The following SPATA1 variants were observed in gnomAD, a reference collection of about 807,000 sequenced individuals.
SPATA1 encodes the protein spermatogenesis associated 1.
SPATA1 carries 57 observed loss-of-function variants against 59.6 expected under a neutral mutation model. That is an observed-to-expected ratio of 0.96 (90% CI 0.77 to 1.19). The LOEUF (loss-of-function observed/expected upper bound fraction) is 1.19, where lower values mean the gene tolerates loss of function less well. SPATA1 is among the 50% of genes most tolerant of loss of function. The pLI is 0.00. For synonymous variants in SPATA1, 147 were observed against 163.9 expected, an observed-to-expected ratio of 0.90 and a Z score of 0.79; for missense variants, 448 against 480.7, an observed-to-expected ratio of 0.93 and a Z score of 0.64.
chr1:84,528,626 G>A (rs933207729), intron 6 of SPATA1, among the ~76,000 whole-genome samples: 1 of 152,092 alleles, frequency 6.6e-6, no homozygotes, highest in African/African-American at 2.4e-5. Context: ...ATGGCTGATG[G>A]ACATTTGGTT....
chr1:84,525,619 G>A (rs1172788040), intron 4 of SPATA1, 77 bp from the exon 5 acceptor site: 2 of 1,275,150 alleles, frequency 1.6e-6, no homozygotes, highest in Non-Finnish European at 2.2e-6. Context: ...CATGCCTTCT[G>A]CAAAAAAAGT....
chr1:84,532,964 A>T, exon 7 of SPATA1: 1 of 1,550,604 alleles, frequency 6.4e-7, no homozygotes, highest in Non-Finnish European at 8.7e-7. Context: ...TTGCTTTGGC[A>T]CTAAAAAAAG....
intron 1 of SPATA1, chr1:84,507,305 CTAATT>C (rs1558559710): frequency 1.3e-5 from 2 of 152,152 alleles, no homozygotes; most frequent in South Asian, 2.1e-4. Flanking sequence ...TCAACAAAAT[CTAATT>C]TATTTACTCA....
At position 84,513,212 on chromosome 1, in the gene SPATA1, C is replaced by T. The variant is rs967682665; in HGVS notation, c.-137-3011C>T. On this transcript the variant is annotated intron_variant, in intron 1 of 12. Coordinates refer to ENST00000490879, the Ensembl canonical transcript of SPATA1. ...TCGGCTCGGCGCAATCTCGGCTCTC[C>T]GCACCCTCCGTCTCCCGGGTTCAGG... 2.0e-4 allele frequency among the ~76,000 whole-genome samples: 31 copies of T among 152,314 alleles called. 1 individual carries two copies. Among genetic ancestry groups the T allele is most frequent in the African/African-American group, 6.7e-4 (28 of 41,568 alleles).
intron 8 of SPATA1, among the ~76,000 whole-genome samples, chr1:84,541,876 G>T (rs1683918490): frequency 6.6e-6 from 1 of 152,140 alleles, no homozygotes; most frequent in South Asian, 2.1e-4. Context: ...GTGGCTTACT[G>T]TGTTTCTTAA....
rs556827867 is a variant in SPATA1, at chr1:84,538,619, GT to G, written c.717+4854del. ...TATTGAGAATGAAACAAAGCACTTTGTGGACCTTTTTTGGAATTTGTAGAGA... is the reference window on the plus strand; with the variant it reads ...TATTGAGAATGAAACAAAGCACTTTGGGACCTTTTTTGGAATTTGTAGAGA... On this transcript the variant is annotated intron_variant, in intron 8 of 12. Transcript: ENST00000490879. Among the ~76,000 whole-genome samples the G allele has an allele frequency of 1.9e-3, 294 of 152,278 alleles. 1 individual carries two copies. The highest frequency in any genetic ancestry group is 4.7e-3 in the Admixed American group (72 of 15,298).
chr1:84,552,514 T>G (rs1684305093), intron 12 of SPATA1: 1 of 152,124 alleles, frequency 6.6e-6, no homozygotes, highest in Non-Finnish European at 1.5e-5. Context: ...CCATTTCAAC[T>G]GTAAAATGGG....
At chr1:84,564,880 C>A (rs1174405333) in intron 4 of SPATA1, among the ~76,000 whole-genome samples, 1 of 151,556 alleles carries the variant, frequency 6.6e-6, no homozygotes. Context: ...AAAAAAAAAT[C>A]TTTTTTAAAT....
exon 3 of SPATA1, chr1:84,520,671 C>T: frequency 2.6e-6 from 4 of 1,565,152 alleles, no homozygotes; most frequent in Non-Finnish European, 3.5e-6. Context: ...TTAACAAATT[C>T]ATTTCAGCTG....
intron 9 of SPATA1, among the ~76,000 whole-genome samples, chr1:84,545,216 C>CA (rs1010203754): frequency 6.8e-6 from 1 of 147,572 alleles, no homozygotes; most frequent in African/African-American, 2.5e-5. Flanking sequence ...GACTCCATCT[C>CA]AAAAAAATAT....
chr1:84,556,050 T>A (rs1684421014), downstream of SPATA1: 1 of 152,186 alleles, frequency 6.6e-6, no homozygotes, highest in Non-Finnish European at 1.5e-5. Context: ...GTCTGTTAGG[T>A]CTGCACTTTA....
intron 2 of SPATA1, among the ~76,000 whole-genome samples, chr1:84,517,532 T>C (rs145591472): frequency 6.6e-6 from 1 of 152,254 alleles, no homozygotes; most frequent in African/African-American, 2.4e-5. Context: ...AACTGGATTT[T>C]TTTCCCTTCC....
chr1:84,565,775 T>G, intron 4 of SPATA1, 86 bp from the exon 14 acceptor site: 2 of 923,454 alleles, frequency 2.2e-6, no homozygotes, highest in Non-Finnish European at 2.9e-6. Flanking sequence ...ACTAAAAACA[T>G]CTTAATATTT....
chr1:84,547,279 G>A (rs1372865348), intron 10 of SPATA1, among the ~76,000 whole-genome samples: 1 of 152,150 alleles, frequency 6.6e-6, no homozygotes, highest in African/African-American at 2.4e-5. Context: ...TCCCCTCTTT[G>A]TGCCTCACCC....
chr1:84,511,218 C>T (rs961682140), intron 1 of SPATA1, among the ~76,000 whole-genome samples: 1 of 152,150 alleles, frequency 6.6e-6, no homozygotes, highest in Non-Finnish European at 1.5e-5. Flanking sequence ...CCCTGATGTG[C>T]TTTTCACACA....
At chr1:84,520,281 T>C (rs1682968775) in intron 2 of SPATA1, 1 of 249,152 alleles carries the variant, frequency 4.0e-6, no homozygotes, top group Non-Finnish European at 7.6e-6. Context: ...TTAAGAAAAC[T>C]AGTCTTGGTG....
chr1:84,539,132 CAGTGATGCTTGA>C (rs1403292785), intron 8 of SPATA1, among the ~76,000 whole-genome samples: 1 of 152,120 alleles, frequency 6.6e-6, no homozygotes, highest in Non-Finnish European at 1.5e-5. Flanking sequence ...CCAGATTATC[CAGTGATGCTTGA>C]TGTATAGTAG....
chr1:84,533,583 C>T lies in SPATA1; in HGVS notation c.660-126C>T, dbSNP rs146199433. The T allele has an allele frequency of 6.6e-5, 48 of 727,752 alleles. No individual in the cohort carries two copies. In the African/African-American group the frequency reaches 7.6e-4, roughly 12 times the overall value. 45.1% of individuals were successfully genotyped at this position (727,752 alleles called of 1,614,324 possible). On this transcript the variant is annotated intron_variant, in intron 7 of 12. Transcript: ENST00000490879. Reference sequence around the variant, plus strand: ...CTGAAAGAACATATGATAATGGTCTCAGGCTGACTTTGAAAATTTTCAATA... The same window carrying T: ...CTGAAAGAACATATGATAATGGTCTTAGGCTGACTTTGAAAATTTTCAATA...
chr1:84,543,323 G>T (rs1162239737), intron 8 of SPATA1, among the ~76,000 whole-genome samples: 1 of 152,158 alleles, frequency 6.6e-6, no homozygotes, highest in Non-Finnish European at 1.5e-5. Flanking sequence ...ATCAAAAAGG[G>T]TAGATATTAG....
Sources: gnomAD v4.1 joint callset for allele counts (sites outside exome capture counted in the v4.1 genomes callset) on GRCh38, gnomAD v4.1.1 for gene constraint, MANE v1.5 for transcripts, NCBI Gene and HGNC (gene_info 2026-07-23, HGNC 2026-07-21) for gene names.